The following STK39 variants were observed in gnomAD, a reference collection of about 807,000 sequenced individuals.
The protein encoded by STK39 is STE20/SPS1-related proline-alanine-rich protein kinase.
STK39 carries 20 observed loss-of-function variants against 77.8 expected under a neutral mutation model. That is an observed-to-expected ratio of 0.26 (90% confidence interval 0.18 to 0.37). STK39 has a LOEUF of 0.37. STK39 is among the 10% of genes least tolerant of loss of function. STK39 has a pLI of 1.00. For missense variants in STK39, 479 were observed against 656.5 expected (o/e 0.73, Z 2.95); for synonymous variants, 246 against 234.1 (o/e 1.05, Z -0.47).
chr2:167,984,851 A>C (rs1001220332), intron 16 of STK39, among the ~76,000 whole-genome samples: 10 of 152,210 alleles, frequency 6.6e-5, no homozygotes. Context: ...AATAGGTCAA[A>C]TTAACTTTTA....
At position 168,095,245 on chromosome 2, in the gene STK39, G is replaced by A. The variant is rs181231086; in HGVS notation, c.1090-20014C>T. Among the ~76,000 whole-genome samples the A allele has an allele frequency of 1.1e-3, 167 of 152,284 alleles. 1 individual carries two copies. Among genetic ancestry groups the A allele is most frequent in the African/African-American group, 3.5e-3 (145 of 41,576 alleles). On this transcript the variant is annotated intron_variant, in intron 10 of 17. Transcript: ENST00000355999. Reference sequence around the variant, plus strand: ...ACCGCATCCCAACCCCATGGCTTAAGATCTAAGGCTTCCACACTCTGGACT... The same window carrying A: ...ACCGCATCCCAACCCCATGGCTTAAAATCTAAGGCTTCCACACTCTGGACT...
chr2:168,078,590 A>G, intron 10 of STK39, among the ~76,000 whole-genome samples: 1 of 152,212 alleles, frequency 6.6e-6, no homozygotes. Flanking sequence ...AAGAACCACC[A>G]GGTAAAATTT....
intron 14 of STK39, among the ~76,000 whole-genome samples, chr2:168,047,501 C>T (rs1685275168): frequency 6.6e-6 from 1 of 152,148 alleles, no homozygotes; most frequent in South Asian, 2.1e-4. Flanking sequence ...GTATCTGCTC[C>T]ACAGCAAGAA....
intron 1 of STK39, among the ~76,000 whole-genome samples, chr2:168,186,752 T>G (rs1394833812): frequency 6.6e-6 from 1 of 152,218 alleles, no homozygotes; most frequent in Non-Finnish European, 1.5e-5. Context: ...TTTCTCCATC[T>G]GTGACATAAA....
At chr2:167,962,953 A>G (rs1333507062) in intron 17 of STK39, among the ~76,000 whole-genome samples, 19 of 152,192 alleles carry the variant, frequency 1.2e-4, no homozygotes, top group Admixed American at 1.2e-3. Flanking sequence ...AGATAATGGT[A>G]AAGCAGGAGA....
intron 1 of STK39, among the ~76,000 whole-genome samples, chr2:168,215,583 T>C (rs539623644): frequency 1.3e-5 from 2 of 152,186 alleles, no homozygotes; most frequent in African/African-American, 4.8e-5. Flanking sequence ...CCTGCTCAAA[T>C]ACAGTGTATC....
intron 1 of STK39, among the ~76,000 whole-genome samples, chr2:168,235,728 G>C (rs943214467): frequency 5.9e-5 from 9 of 151,340 alleles, no homozygotes; most frequent in African/African-American, 1.2e-4. Flanking sequence ...CCCTGCAATA[G>C]TTTGCTGAGA....
At chr2:168,079,046 T>C (rs1403463528) in intron 10 of STK39, among the ~76,000 whole-genome samples, 1 of 152,206 alleles carries the variant, frequency 6.6e-6, no homozygotes, top group Non-Finnish European at 1.5e-5. Flanking sequence ...AAAAAATATT[T>C]CTAATTAATT....
chr2:168,147,825 G>A (rs1688180665), intron 5 of STK39, among the ~76,000 whole-genome samples: 1 of 152,062 alleles, frequency 6.6e-6, no homozygotes, highest in African/African-American at 2.4e-5. Flanking sequence ...AATTCCCAGG[G>A]CCCTTTCACC....
intron 5 of STK39, among the ~76,000 whole-genome samples, chr2:168,155,991 C>T (rs1688417421): frequency 6.6e-6 from 1 of 152,176 alleles, no homozygotes; most frequent in Admixed American, 6.5e-5. Context: ...TCTGGGAATG[C>T]TGCGATGAAC....
intron 16 of STK39, among the ~76,000 whole-genome samples, chr2:167,971,899 G>A (rs1397579605): frequency 6.6e-6 from 1 of 152,216 alleles, no homozygotes; most frequent in Non-Finnish European, 1.5e-5. Flanking sequence ...TTTGAGCCTT[G>A]CCAGTTCAAT....
intron 1 of STK39, among the ~76,000 whole-genome samples, chr2:168,204,754 C>T (rs762657116): frequency 6.6e-6 from 1 of 152,144 alleles, no homozygotes; most frequent in Non-Finnish European, 1.5e-5. Context: ...AGGAGATGAT[C>T]GTTTTTAATG....
At chr2:167,959,185 C>T (rs544028731) in intron 17 of STK39, among the ~76,000 whole-genome samples, 77 of 151,560 alleles carry the variant, frequency 5.1e-4, no homozygotes, top group Non-Finnish European at 8.5e-4. Flanking sequence ...GTGGTGTGAT[C>T]TCGGCTCACT....
chr2:168,196,917 G>A (rs1013269745), intron 1 of STK39, among the ~76,000 whole-genome samples: 1 of 152,146 alleles, frequency 6.6e-6, no homozygotes, highest in Non-Finnish European at 1.5e-5. Context: ...CTAAGAGGCA[G>A]GTGGAAAGAG....
intron 16 of STK39, among the ~76,000 whole-genome samples, chr2:167,975,673 G>T (rs191220143): frequency 1.3e-5 from 2 of 152,302 alleles, no homozygotes; most frequent in Non-Finnish European, 2.9e-5. Context: ...AATCAGCCGG[G>T]CGTGGTGGTG....
At chr2:168,082,815 A>C (rs1686271353) in intron 10 of STK39, among the ~76,000 whole-genome samples, 1 of 152,176 alleles carries the variant, frequency 6.6e-6, no homozygotes. Flanking sequence ...CTGTTTTTCA[A>C]AGTTGAGTTT....
At chr2:168,181,457 A>G (rs1689080935) in intron 2 of STK39, among the ~76,000 whole-genome samples, 1 of 152,248 alleles carries the variant, frequency 6.6e-6, no homozygotes, top group Non-Finnish European at 1.5e-5. Flanking sequence ...AGAAGTACAA[A>G]TTGCCACGTT....
intron 10 of STK39, among the ~76,000 whole-genome samples, chr2:168,088,991 C>T (rs1686444602): frequency 6.6e-6 from 1 of 152,216 alleles, no homozygotes; most frequent in South Asian, 2.1e-4. Context: ...AGTTGAGAAA[C>T]TGATCTCTAG....
chr2:168,147,330 C>T (rs1688166948), intron 5 of STK39, among the ~76,000 whole-genome samples: 1 of 152,152 alleles, frequency 6.6e-6, no homozygotes, highest in Non-Finnish European at 1.5e-5. Context: ...TTCAGGGCTG[C>T]CAGCATCCGG....
Sources: allele counts gnomAD v4.1 joint callset (sites outside exome capture counted in the v4.1 genomes callset), GRCh38; gene constraint gnomAD v4.1.1; transcripts MANE v1.5; gene names NCBI Gene and HGNC (gene_info 2026-07-23, HGNC 2026-07-21).